Variants in GABBR2 observed in about 807,000 individuals in gnomAD.
GABBR2 encodes G-protein coupled receptor 51.
Under a neutral mutation model 105.6 loss-of-function variants are expected in GABBR2, and 23 were observed. The ratio of observed to expected loss-of-function variants is 0.22; its 90% CI spans 0.16 to 0.31. The LOEUF (loss-of-function observed/expected upper bound fraction) is 0.31, where lower values mean the gene tolerates loss of function less well. Ranked by LOEUF, GABBR2 falls within the 10% of genes least tolerant of loss-of-function variation. The pLI is 1.00. For missense variants in GABBR2, 734 were observed against 1,245.5 expected (o/e 0.59, Z 6.18); for synonymous variants, 478 against 499.7 (o/e 0.96, Z 0.58).
intron 1 of GABBR2, among the ~76,000 whole-genome samples, chr9:98,686,321 G>A (rs1051104359): frequency 3.9e-5 from 6 of 152,078 alleles, no homozygotes; most frequent in African/African-American, 1.2e-4. Context: ...GCTGTATTTG[G>A]AACTGAGCCC....
intron 13 of GABBR2, among the ~76,000 whole-genome samples, chr9:98,356,335 A>T (rs1232440044): frequency 6.6e-6 from 1 of 152,256 alleles, no homozygotes; most frequent in Non-Finnish European, 1.5e-5. Context: ...TTCAACAATA[A>T]GAAAACAACC....
At chr9:98,355,633 A>G (rs575610543) in intron 13 of GABBR2, among the ~76,000 whole-genome samples, 1 of 152,248 alleles carries the variant, frequency 6.6e-6, no homozygotes, top group Non-Finnish European at 1.5e-5. Context: ...CAGTATTGGT[A>G]AGATGTCAAT....
intron 3 of GABBR2, among the ~76,000 whole-genome samples, chr9:98,503,862 C>T (rs1827452299): frequency 6.6e-6 from 1 of 152,100 alleles, no homozygotes; most frequent in Non-Finnish European, 1.5e-5. Flanking sequence ...ACTGCTGATG[C>T]CCTAACTGCC....
At chr9:98,570,855 G>C in intron 2 of GABBR2, among the ~76,000 whole-genome samples, 1 of 152,238 alleles carries the variant, frequency 6.6e-6, no homozygotes, top group East Asian at 1.9e-4. Flanking sequence ...GCTGCAGCTG[G>C]AGAGTCCTTG....
intron 13 of GABBR2, among the ~76,000 whole-genome samples, chr9:98,346,202 T>A (rs1156323962): frequency 6.6e-6 from 1 of 152,358 alleles, no homozygotes; most frequent in East Asian, 1.9e-4. Flanking sequence ...TTTCTTTGTA[T>A]CATGCAATGC....
chr9:98,613,027 G>A (rs1041273495), intron 1 of GABBR2, among the ~76,000 whole-genome samples: 1 of 152,228 alleles, frequency 6.6e-6, no homozygotes. Flanking sequence ...GAAGCTGCAC[G>A]CTCTGGATGG....
chr9:98,609,161 G>C (rs1283902566), intron 1 of GABBR2, among the ~76,000 whole-genome samples: 1 of 152,150 alleles, frequency 6.6e-6, no homozygotes, highest in African/African-American at 2.4e-5. Context: ...CAAACAACAT[G>C]CATCAGTGGA....
At chr9:98,552,633 G>A (rs1828510122) in intron 2 of GABBR2, among the ~76,000 whole-genome samples, 2 of 152,208 alleles carry the variant, frequency 1.3e-5, no homozygotes, top group Non-Finnish European at 2.9e-5. Context: ...CATTTCCCAA[G>A]TTAACAAGGG....
intron 13 of GABBR2, among the ~76,000 whole-genome samples, chr9:98,332,732 C>T (rs935014455): frequency 5.9e-5 from 9 of 152,174 alleles, no homozygotes; most frequent in African/African-American, 1.7e-4. Context: ...GCTGGCTTCC[C>T]GTCTGCTGTA....
intron 13 of GABBR2, among the ~76,000 whole-genome samples, chr9:98,355,488 TG>T (rs1831468725): frequency 6.6e-6 from 1 of 152,128 alleles, no homozygotes; most frequent in Non-Finnish European, 1.5e-5. Context: ...AGCACCCAAA[TG>T]AAATGAAATA....
intron 4 of GABBR2, among the ~76,000 whole-genome samples, chr9:98,483,834 T>A (rs1248864357): frequency 1.3e-5 from 2 of 152,218 alleles, no homozygotes; most frequent in Non-Finnish European, 2.9e-5. Flanking sequence ...GATCACCCTG[T>A]GCTTGCCTCC....
At position 98,410,386 on chromosome 9, in the gene GABBR2, G is replaced by A. The variant is rs1474739673; in HGVS notation, c.1237-4245C>T. 2.6e-5 allele frequency among the ~76,000 whole-genome samples: 4 copies of A among 152,146 alleles called. No individual in the cohort carries two copies. The East Asian group carries it at 5.8e-4, about 22-fold the overall frequency. On this transcript the variant is annotated intron_variant, in intron 7 of 18. Transcript: ENST00000259455. ...CTCACTCTTCTACACTCTCCTCCTT[G>A]TGGCAGGGACTGGAAGCCCTGAAAC...
At chr9:98,331,036 A>G (rs1831015604) in intron 13 of GABBR2, among the ~76,000 whole-genome samples, 1 of 152,168 alleles carries the variant, frequency 6.6e-6, no homozygotes, top group Non-Finnish European at 1.5e-5. Flanking sequence ...TTCACTGAAC[A>G]TAATGTTTTC....
In GABBR2 at chr9:98,697,126, G is replaced by A. The variant is rs373225634; in HGVS notation, c.321+11291C>T. ...CCATCCAGACTTCAAATCCCAGCTC[G>A]ACACTTGGTTGGTTGTGATGTTAAA... On this transcript the variant is annotated intron_variant, in intron 1 of 18. Coordinates refer to ENST00000259455, the MANE Select transcript of GABBR2 (RefSeq NM_005458.8). Among the ~76,000 whole-genome samples the A allele has an allele frequency of 2.7e-4, 41 of 152,284 alleles. 2 individuals carry two copies. In the South Asian group the frequency reaches 8.3e-3, roughly 31 times the overall value.
chr9:98,677,659 T>A (rs1048468098), intron 1 of GABBR2, among the ~76,000 whole-genome samples: 1 of 152,184 alleles, frequency 6.6e-6, no homozygotes, highest in Non-Finnish European at 1.5e-5. Flanking sequence ...GAAATCCCTA[T>A]GGGATCATCC....
intron 7 of GABBR2, among the ~76,000 whole-genome samples, chr9:98,437,981 C>T (rs1028557385): frequency 2.0e-5 from 3 of 151,700 alleles, no homozygotes; most frequent in Non-Finnish European, 2.9e-5. Context: ...TCCATCTACC[C>T]ACATACTCAT....
chr9:98,436,378 T>TACC (rs1825921753), intron 7 of GABBR2, among the ~76,000 whole-genome samples: 2 of 56,036 alleles, frequency 3.6e-5, no homozygotes, highest in South Asian at 7.0e-4. Flanking sequence ...TATATATATA[T>TACC]ATATATATAT....
intron 1 of GABBR2, among the ~76,000 whole-genome samples, chr9:98,639,530 C>T (rs1829929743): frequency 2.0e-5 from 3 of 151,828 alleles, no homozygotes; most frequent in African/African-American, 7.3e-5. Flanking sequence ...ACAAATACAA[C>T]TTAATTAACC....
intron 3 of GABBR2, among the ~76,000 whole-genome samples, chr9:98,534,389 A>G (rs1564106780): frequency 6.6e-6 from 1 of 152,000 alleles, no homozygotes; most frequent in Admixed American, 6.6e-5. Flanking sequence ...AGGCACAGAA[A>G]CTCAGCCATG....
Sources: gnomAD v4.1 joint callset for allele counts (sites outside exome capture counted in the v4.1 genomes callset) on GRCh38, gnomAD v4.1.1 for gene constraint, MANE v1.5 for transcripts, NCBI Gene and HGNC (gene_info 2026-07-23, HGNC 2026-07-21) for gene names.